The following PHF24 variants were observed in gnomAD, a reference collection of about 807,000 sequenced individuals.
PHF24 encodes the protein Galpha inhibitory interacting protein.
PHF24 carries 25 observed loss-of-function variants against 42.6 expected under a neutral mutation model. That is an observed-to-expected ratio of 0.59 (90% CI 0.43 to 0.82). The LOEUF is 0.82. Among genes scored for constraint, PHF24 ranks in the 40% least tolerant of loss-of-function variants. PHF24 has a pLI of 0.00. For synonymous variants in PHF24, 185 were observed against 204.8 expected, an observed-to-expected ratio of 0.90 and a Z score of 0.83; for missense variants, 470 against 538.1, an observed-to-expected ratio of 0.87 and a Z score of 1.25.
At chr9:34,676,951 C>T in the PHF24 span, among the ~76,000 whole-genome samples, 2 of 152,240 alleles carry the variant, frequency 1.3e-5, no homozygotes, top group Non-Finnish European at 2.9e-5. Flanking sequence ...ATCCAATCAC[C>T]TCCCGCCAGG....
At chr9:34,767,678 C>T in the PHF24 span, among the ~76,000 whole-genome samples, 2 of 152,252 alleles carry the variant, frequency 1.3e-5, no homozygotes, top group African/African-American at 4.8e-5. Flanking sequence ...ATGCCTCGCC[C>T]TGCTTCGGCT....
At chr9:34,850,183 A>G in the PHF24 span, among the ~76,000 whole-genome samples, 1 of 152,164 alleles carries the variant, frequency 6.6e-6, no homozygotes, top group Non-Finnish European at 1.5e-5. Flanking sequence ...CCTGGATAAT[A>G]TCCTGCAGAG....
At chr9:34,843,446 G>C in the PHF24 span, among the ~76,000 whole-genome samples, 1 of 152,190 alleles carries the variant, frequency 6.6e-6, no homozygotes, top group African/African-American at 2.4e-5. Context: ...CTGTTCCATT[G>C]ATCTATTTGT....
the PHF24 span, among the ~76,000 whole-genome samples, chr9:34,891,725 C>A: frequency 6.6e-6 from 1 of 152,194 alleles, no homozygotes; most frequent in Non-Finnish European, 1.5e-5. Context: ...AAATGGACTT[C>A]CCCAATCAAA....
At chr9:34,922,203 C>T in the PHF24 span, 4 of 1,590,486 alleles carry the variant, frequency 2.5e-6, no homozygotes, top group Non-Finnish European at 3.4e-6. Flanking sequence ...CCCTCCTTCT[C>T]CTGCTTCAGC....
At chr9:34,948,922 A>T in the PHF24 span, among the ~76,000 whole-genome samples, 1 of 152,244 alleles carries the variant, frequency 6.6e-6, no homozygotes, top group Non-Finnish European at 1.5e-5. Context: ...CTTCAGAACA[A>T]GAACTATTAC....
the PHF24 span, among the ~76,000 whole-genome samples, chr9:34,760,233 A>G: frequency 6.6e-6 from 1 of 152,220 alleles, no homozygotes; most frequent in African/African-American, 2.4e-5. Flanking sequence ...CAGAGCCACA[A>G]TGATTGCAAT....
the PHF24 span, among the ~76,000 whole-genome samples, chr9:34,875,274 C>T: frequency 6.6e-6 from 1 of 152,192 alleles, no homozygotes. Flanking sequence ...CTTACCTATA[C>T]TCCACAATAT....
the PHF24 span, chr9:34,723,044 G>A: frequency 1.4e-6 from 1 of 733,462 alleles, no homozygotes; most frequent in Non-Finnish European, 2.2e-6. Context: ...GGAGCAGACA[G>A]ACAATGTATT....
At chr9:34,723,046 C>A in the PHF24 span, 2 of 736,160 alleles carry the variant, frequency 2.7e-6, no homozygotes, top group Non-Finnish European at 4.3e-6. Context: ...AGCAGACAGA[C>A]AATGTATTGC....
chr9:34,679,654 G>A, the PHF24 span, among the ~76,000 whole-genome samples: 771 of 152,330 alleles, frequency 5.1e-3, 10 homozygotes, highest in African/African-American at 0.017. Flanking sequence ...GGCGGAGGTT[G>A]CAGTGAGCCG....
intron 1 of PHF24, among the ~76,000 whole-genome samples, chr9:34,962,792 C>G (rs1383758813): frequency 6.6e-6 from 1 of 152,204 alleles, no homozygotes; most frequent in Non-Finnish European, 1.5e-5. Context: ...GAAGTCAGCA[C>G]TGTGGCTTTT....
chr9:34,835,779 T>C, the PHF24 span: 4 of 1,550,672 alleles, frequency 2.6e-6, no homozygotes, highest in South Asian at 3.6e-5. Context: ...GATCTGTTAA[T>C]TGTGACAGTG....
the PHF24 span, among the ~76,000 whole-genome samples, chr9:34,740,649 G>A: frequency 1.3e-5 from 2 of 152,232 alleles, no homozygotes; most frequent in Non-Finnish European, 2.9e-5. Context: ...TGAGGGAGCT[G>A]TCTCCAGCCT....
the PHF24 span, among the ~76,000 whole-genome samples, chr9:34,754,258 C>T: frequency 0.4 from 61,075 of 151,906 alleles, 13,851 homozygotes; most frequent in East Asian, 0.6. Context: ...ATCTCTCTGA[C>T]AAGAAATTAA....
At chr9:34,853,010 T>C in the PHF24 span, among the ~76,000 whole-genome samples, 1 of 152,216 alleles carries the variant, frequency 6.6e-6, no homozygotes, top group Non-Finnish European at 1.5e-5. Flanking sequence ...GATATCTGAA[T>C]GGTGAGAGAG....
the PHF24 span, among the ~76,000 whole-genome samples, chr9:34,950,589 A>G: frequency 6.6e-6 from 1 of 152,132 alleles, no homozygotes; most frequent in African/African-American, 2.4e-5. Flanking sequence ...ATATCAATAA[A>G]GAAGAATATT....
At chr9:34,746,384 T>TAGCATATTAGCAACCTAGATA in the PHF24 span, among the ~76,000 whole-genome samples, 1 of 152,168 alleles carries the variant, frequency 6.6e-6, no homozygotes, top group Non-Finnish European at 1.5e-5. Flanking sequence ...GCTAGTTTCA[T>TAGCATATTAGCAACCTAGATA]TTATGAACAT....
At chr9:34,787,131 G>A in the PHF24 span, among the ~76,000 whole-genome samples, 52 of 151,940 alleles carry the variant, frequency 3.4e-4, no homozygotes, top group Non-Finnish European at 5.4e-4. Flanking sequence ...AAAAAATCAG[G>A]GACATTTACA....
Sources: gnomAD v4.1 joint callset for allele counts (sites outside exome capture counted in the v4.1 genomes callset) on GRCh38, gnomAD v4.1.1 for gene constraint, MANE v1.5 for transcripts, NCBI Gene and HGNC (gene_info 2026-07-23, HGNC 2026-07-21) for gene names.